PPM1L: variants seen among roughly 807,000 people sequenced by gnomAD.
PPM1L encodes the protein protein phosphatase 1L.
In PPM1L, 13 loss-of-function variants were observed where a neutral mutation model predicts 31.4. The observed-to-expected ratio is 0.41, with a 90% CI of 0.27 to 0.66. The LOEUF (loss-of-function observed/expected upper bound fraction) is 0.66. Among genes scored for constraint, PPM1L ranks in the 30% least tolerant of loss-of-function variants. The pLI is 0.29. For missense variants in PPM1L, 326 were observed against 453.7 expected (o/e 0.72, Z 2.56); for synonymous variants, 184 against 175.4 (o/e 1.05, Z -0.39).
chr3:161,017,949 C>T (rs1718131872), intron 2 of PPM1L, among the ~76,000 whole-genome samples: 1 of 151,906 alleles, frequency 6.6e-6, no homozygotes. Context: ...CCCCTATTAC[C>T]CTAACCTGAT....
At chr3:160,892,929 T>C (rs1157033209) in intron 1 of PPM1L, among the ~76,000 whole-genome samples, 2 of 152,190 alleles carry the variant, frequency 1.3e-5, no homozygotes, top group African/African-American at 2.4e-5. Context: ...AGGATTTCTG[T>C]TTCTAATGTA....
chr3:160,896,374 A>G (rs1465284072), intron 1 of PPM1L, among the ~76,000 whole-genome samples: 2 of 152,038 alleles, frequency 1.3e-5, no homozygotes, highest in Admixed American at 1.3e-4. Flanking sequence ...TAAAAAATCT[A>G]TTTTCCATTT....
intron 2 of PPM1L, among the ~76,000 whole-genome samples, chr3:160,977,844 AC>A (rs1393936641): frequency 6.6e-6 from 1 of 152,166 alleles, no homozygotes; most frequent in African/African-American, 2.4e-5. Context: ...TAAAGTTCTC[AC>A]TGTTTTAATA....
chr3:160,846,881 T>G (rs1714094161), intron 1 of PPM1L, among the ~76,000 whole-genome samples: 3 of 152,098 alleles, frequency 2.0e-5, no homozygotes, highest in African/African-American at 7.2e-5. Context: ...TTTTTACTAG[T>G]TTTTTATGTG....
In PPM1L at chr3:160,967,731, T is replaced by C. The variant is rs1025158084; in HGVS notation, c.574+5821T>C. Among the ~76,000 whole-genome samples, 11 of 152,086 alleles carry C rather than the reference T, an allele frequency of 7.2e-5. No homozygotes were observed. In the South Asian group the frequency reaches 2.3e-3, roughly 31 times the overall value. On this transcript the variant is annotated intron_variant, in intron 2 of 3. Coordinates refer to ENST00000498165, the MANE Select transcript of PPM1L (RefSeq NM_139245.4). Reference sequence around the variant, plus strand: ...ATTTTGATAATTTCAAGAACTGATATGTTTTGTGGTATAGTTGAAAGAAAA... The same window carrying C: ...ATTTTGATAATTTCAAGAACTGATACGTTTTGTGGTATAGTTGAAAGAAAA...
intron 1 of PPM1L, among the ~76,000 whole-genome samples, chr3:160,922,917 T>C (rs1714463465): frequency 6.6e-6 from 1 of 152,158 alleles, no homozygotes; most frequent in South Asian, 2.1e-4. Context: ...AATATTGAAA[T>C]TTGGATAATA....
At chr3:160,904,556 A>G (rs1713676397) in intron 1 of PPM1L, among the ~76,000 whole-genome samples, 1 of 151,900 alleles carries the variant, frequency 6.6e-6, no homozygotes, top group Non-Finnish European at 1.5e-5. Flanking sequence ...ATGGCTGTAG[A>G]CTCTTGTATT....
chr3:160,820,274 T>A (rs6775743), intron 1 of PPM1L, among the ~76,000 whole-genome samples: 58,271 of 151,990 alleles, frequency 0.38, 12,098 homozygotes, highest in East Asian at 0.59. Context: ...GATGAAATCA[T>A]CCTTGGTTTA....
intron 1 of PPM1L, among the ~76,000 whole-genome samples, chr3:160,867,207 T>A (rs1005040691): frequency 6.6e-6 from 1 of 152,162 alleles, no homozygotes; most frequent in African/African-American, 2.4e-5. Flanking sequence ...CTGGAAATTA[T>A]TTGATTGTTT....
At position 160,781,231 on chromosome 3, in the gene PPM1L, T is replaced by A. The variant is rs146923798; in HGVS notation, c.399+24524T>A. On this transcript the variant is annotated intron_variant, in intron 1 of 3. Coordinates refer to ENST00000498165, the MANE Select transcript of PPM1L (RefSeq NM_139245.4). ...TTTCTTTTAGTGATAGAGCGACTCATGGCTTTTTGTAAACTCTTAATAGCT... is the reference window on the plus strand; with the variant it reads ...TTTCTTTTAGTGATAGAGCGACTCAAGGCTTTTTGTAAACTCTTAATAGCT... 2.7e-3 allele frequency among the ~76,000 whole-genome samples: 415 copies of A among 152,310 alleles called. 1 individual carries two copies. Among genetic ancestry groups the A allele is most frequent in the African/African-American group, 9.6e-3 (400 of 41,576 alleles).
intron 2 of PPM1L, among the ~76,000 whole-genome samples, chr3:160,982,573 C>G (rs991123569): frequency 6.6e-6 from 1 of 152,110 alleles, no homozygotes; most frequent in Non-Finnish European, 1.5e-5. Flanking sequence ...ACATAAATTG[C>G]TTTTATATTT....
chr3:161,005,981 T>TA (rs147938515), intron 2 of PPM1L, among the ~76,000 whole-genome samples: 9,923 of 151,590 alleles, frequency 0.065, 372 homozygotes, highest in African/African-American at 0.095. Context: ...TAAAAAAACA[T>TA]AAAAAAATAC....
At chr3:161,046,513 A>C (rs1329088049) in intron 2 of PPM1L, among the ~76,000 whole-genome samples, 1 of 152,182 alleles carries the variant, frequency 6.6e-6, no homozygotes. Flanking sequence ...CAGAGGTACA[A>C]GGAGGAGCTG....
chr3:160,835,573 T>C (rs1713691479), intron 1 of PPM1L, among the ~76,000 whole-genome samples: 1 of 152,126 alleles, frequency 6.6e-6, no homozygotes, highest in Non-Finnish European at 1.5e-5. Context: ...CATCCGTGCA[T>C]TTTTATTTCT....
chr3:160,999,275 G>A (rs944631068), intron 2 of PPM1L, among the ~76,000 whole-genome samples: 8 of 152,046 alleles, frequency 5.3e-5, no homozygotes, highest in African/African-American at 1.4e-4. Flanking sequence ...ACTTGAAAAC[G>A]GCCGCGTGTG....
chr3:160,972,886 G>A (rs149339665), intron 2 of PPM1L, among the ~76,000 whole-genome samples: 2,819 of 152,114 alleles, frequency 0.019, 80 homozygotes, highest in African/African-American at 0.063. Flanking sequence ...TTTAATGATC[G>A]CCATTGTAAC....
At chr3:161,068,456 A>C (rs917281985) in intron 3 of PPM1L, among the ~76,000 whole-genome samples, 1 of 152,204 alleles carries the variant, frequency 6.6e-6, no homozygotes, top group African/African-American at 2.4e-5. Flanking sequence ...GCCTTTCAGC[A>C]TTCCTTTGCC....
intron 1 of PPM1L, among the ~76,000 whole-genome samples, chr3:160,877,069 T>G (rs1712537644): frequency 2.0e-5 from 3 of 152,196 alleles, no homozygotes; most frequent in Admixed American, 2.0e-4. Context: ...AGGCTTTGCA[T>G]TTTTTAAAAA....
intron 1 of PPM1L, among the ~76,000 whole-genome samples, chr3:160,785,592 G>T (rs1345466759): frequency 6.6e-6 from 1 of 152,120 alleles, no homozygotes; most frequent in African/African-American, 2.4e-5. Context: ...TGTGATTCTA[G>T]CTTCCTTTTC....
Sources: allele counts gnomAD v4.1 joint callset (sites outside exome capture counted in the v4.1 genomes callset), GRCh38; gene constraint gnomAD v4.1.1; transcripts MANE v1.5; gene names NCBI Gene and HGNC (gene_info 2026-07-23, HGNC 2026-07-21).